The following ZNF536 variants were observed in gnomAD, a reference collection of about 807,000 sequenced individuals.
The protein encoded by ZNF536 is zinc finger protein 536.
A neutral mutation model predicts 84.5 loss-of-function variants in ZNF536; 13 were observed. That is an observed-to-expected ratio of 0.15 (90% confidence interval 0.10 to 0.24). The LOEUF (loss-of-function observed/expected upper bound fraction) is 0.24, where lower values mean the gene tolerates loss of function less well. ZNF536 is among the 10% of genes least tolerant of loss of function. The pLI, the probability that ZNF536 is intolerant of heterozygous loss-of-function variation, is 1.00. For synonymous variants in ZNF536, 811 were observed against 742.5 expected, an observed-to-expected ratio of 1.09 and a Z score of -1.50; for missense variants, 1,536 against 1,747.5, an observed-to-expected ratio of 0.88 and a Z score of 2.16.
intron 2 of ZNF536, among the ~76,000 whole-genome samples, chr19:30,299,925 T>C (rs780087772): frequency 1.3e-5 from 2 of 152,142 alleles, no homozygotes; most frequent in Admixed American, 6.5e-5. Flanking sequence ...AAATGCCTAA[T>C]CTAATTCACC....
chr19:30,341,432 A>G (rs915778885), intron 2 of ZNF536, among the ~76,000 whole-genome samples: 6 of 152,202 alleles, frequency 3.9e-5, no homozygotes, highest in Non-Finnish European at 8.8e-5. Context: ...TCTTAATCAA[A>G]AGATGACAGG....
intron 2 of ZNF536, among the ~76,000 whole-genome samples, chr19:30,308,941 G>GGCAATACCTTT (rs1404887707): frequency 3.3e-4 from 50 of 152,064 alleles, no homozygotes; most frequent in African/African-American, 1.2e-3. Flanking sequence ...TGTGATTCGT[G>GGCAATACCTTT]GCGTCCCCCC....
intron 1 of ZNF536, among the ~76,000 whole-genome samples, chr19:30,247,673 A>T (rs980673240): frequency 3.9e-5 from 6 of 151,946 alleles, no homozygotes; most frequent in South Asian, 2.1e-4. Context: ...ACAGAAAATT[A>T]AAAAAAATTA....
chr19:30,617,333 C>CATT (rs869192494), intron 1 of ZNF536, among the ~76,000 whole-genome samples: 1 of 37,710 alleles, frequency 2.7e-5, no homozygotes, highest in African/African-American at 6.8e-5. Context: ...GAATAGCTTA[C>CATT]TTTTTTTTTT....
chr19:30,461,770 G>A (rs2053147560), intron 2 of ZNF536, among the ~76,000 whole-genome samples: 1 of 152,202 alleles, frequency 6.6e-6, no homozygotes, highest in African/African-American at 2.4e-5. Context: ...GATGCTTCAT[G>A]AGTGTCCTTT....
chr19:30,420,825 T>C (rs1321659834), intron 1 of ZNF536, among the ~76,000 whole-genome samples: 1 of 152,166 alleles, frequency 6.6e-6, no homozygotes, highest in African/African-American at 2.4e-5. Context: ...AGAATTATGG[T>C]GCTATTTTCG....
chr19:30,420,078 C>T (rs1005563747), intron 1 of ZNF536, among the ~76,000 whole-genome samples: 1 of 152,158 alleles, frequency 6.6e-6, no homozygotes, highest in Non-Finnish European at 1.5e-5. Flanking sequence ...GGGACCCAGC[C>T]TGCATGTGAC....
intron 1 of ZNF536, among the ~76,000 whole-genome samples, chr19:30,675,703 G>A (rs73927149): frequency 0.067 from 10,171 of 152,032 alleles, 602 homozygotes; most frequent in African/African-American, 0.15. Context: ...GTCTCCTGGC[G>A]CCCAGAAAAA....
At chr19:30,622,246 G>C (rs1051784537) in intron 1 of ZNF536, among the ~76,000 whole-genome samples, 3 of 152,236 alleles carry the variant, frequency 2.0e-5, no homozygotes, top group Non-Finnish European at 4.4e-5. Context: ...CAAAGAAGGA[G>C]GTTAATAATG....
At chr19:30,556,235 G>T (rs141492054) in intron 4 of ZNF536, 190 of 152,402 alleles carry the variant, frequency 1.2e-3, no homozygotes, top group African/African-American at 4.4e-3. Flanking sequence ...CTGCCTTGAA[G>T]TCCAAGGGCA....
intron 1 of ZNF536, among the ~76,000 whole-genome samples, chr19:30,563,537 GTAATT>G (rs1183507339): frequency 6.6e-6 from 1 of 152,186 alleles, no homozygotes; most frequent in Non-Finnish European, 1.5e-5. Context: ...ATGATACCCA[GTAATT>G]TAATTTTAAA....
At chr19:30,576,992 TTTG>T (rs988975940) in intron 1 of ZNF536, among the ~76,000 whole-genome samples, 2 of 152,250 alleles carry the variant, frequency 1.3e-5, no homozygotes, top group East Asian at 1.9e-4. Flanking sequence ...AAGTCTGTTT[TTTG>T]TTGTTGTTGT....
intron 1 of ZNF536, among the ~76,000 whole-genome samples, chr19:30,428,552 G>A (rs1237258575): frequency 6.6e-6 from 1 of 152,138 alleles, no homozygotes; most frequent in Non-Finnish European, 1.5e-5. Flanking sequence ...CACAGTGGCT[G>A]CTGAAGGCTG....
At chr19:30,456,812 T>TGGGCA (rs2052868257) in intron 2 of ZNF536, among the ~76,000 whole-genome samples, 2 of 151,884 alleles carry the variant, frequency 1.3e-5, no homozygotes, top group South Asian at 4.2e-4. Flanking sequence ...GAAGCCAAGG[T>TGGGCA]GGGCAGATCA....
At chr19:30,233,451 C>T (rs991705214) in intron 1 of ZNF536, among the ~76,000 whole-genome samples, 1 of 151,936 alleles carries the variant, frequency 6.6e-6, no homozygotes, top group African/African-American at 2.4e-5. Flanking sequence ...AAGAGATCCT[C>T]CCACTTTAGC....
At chr19:30,502,461 C>T (rs1277296685) in intron 2 of ZNF536, among the ~76,000 whole-genome samples, 1 of 151,868 alleles carries the variant, frequency 6.6e-6, no homozygotes, top group Non-Finnish European at 1.5e-5. Context: ...TCGGAAAGAT[C>T]GAACTGTGTA....
At chr19:30,396,062 A>G (rs895902589) in intron 1 of ZNF536, among the ~76,000 whole-genome samples, 1 of 152,206 alleles carries the variant, frequency 6.6e-6, no homozygotes, top group Non-Finnish European at 1.5e-5. Context: ...CATGACATGT[A>G]TCCACCATTG....
In ZNF536 at chr19:30,531,560, C is replaced by T. The variant is rs370971014; in HGVS notation, c.2171-3287C>T. 5.1e-4 allele frequency among the ~76,000 whole-genome samples: 78 copies of T among 151,948 alleles called. No homozygotes were observed. In the South Asian group the frequency reaches 0.015, roughly 28 times the overall value. Reference sequence around the variant, plus strand: ...CTTGCTGTCTAAGTAGTGAGCATAGCGGTCGATAGGTAATTTTTCAACCTT... The same window carrying T: ...CTTGCTGTCTAAGTAGTGAGCATAGTGGTCGATAGGTAATTTTTCAACCTT... On this transcript the variant is annotated intron_variant, in intron 2 of 4. Transcript: ENST00000355537.
At chr19:30,270,642 G>A (rs1383771986) in intron 1 of ZNF536, among the ~76,000 whole-genome samples, 3 of 152,104 alleles carry the variant, frequency 2.0e-5, no homozygotes, top group Admixed American at 6.5e-5. Context: ...ATCATGTGAC[G>A]GTTTGGTGAA....
Sources: allele counts gnomAD v4.1 joint callset (sites outside exome capture counted in the v4.1 genomes callset), GRCh38; gene constraint gnomAD v4.1.1; transcripts MANE v1.5; gene names NCBI Gene and HGNC (gene_info 2026-07-23, HGNC 2026-07-21).